The following PARP8 variants were observed in gnomAD, a reference collection of about 807,000 sequenced individuals.
PARP8 encodes poly(ADP-ribose) polymerase family member 8, also known as protein mono-ADP-ribosyltransferase PARP8.
PARP8 carries 51 observed loss-of-function variants against 124.1 expected under a neutral mutation model. That is an observed-to-expected ratio of 0.41 (90% CI 0.33 to 0.52). The LOEUF (loss-of-function observed/expected upper bound fraction) is 0.52. Ranked by LOEUF, PARP8 falls within the 20% of genes least tolerant of loss-of-function variation. The pLI, the probability that PARP8 is intolerant of heterozygous loss-of-function variation, is 0.21. For missense variants in PARP8, 860 were observed against 1,018.9 expected, an observed-to-expected ratio of 0.84 and a Z score of 2.12; for synonymous variants, 391 against 361.5, an observed-to-expected ratio of 1.08 and a Z score of -0.93.
chr5:50,686,389 T>C (rs1174488310), intron 2 of PARP8, among the ~76,000 whole-genome samples: 2 of 152,230 alleles, frequency 1.3e-5, no homozygotes, highest in Non-Finnish European at 2.9e-5. Context: ...CCCTGTGACT[T>C]TGTAGGGTGT....
intron 14 of PARP8, among the ~76,000 whole-genome samples, chr5:50,805,523 C>T (rs1181650425): frequency 2.0e-5 from 3 of 152,080 alleles, no homozygotes; most frequent in Non-Finnish European, 4.4e-5. Context: ...GACTTTAAAA[C>T]TGCATCACAA....
At chr5:50,821,753 T>TGGA (rs1431858215) in intron 16 of PARP8, among the ~76,000 whole-genome samples, 1 of 152,244 alleles carries the variant, frequency 6.6e-6, no homozygotes, top group Non-Finnish European at 1.5e-5. Context: ...GAGCTGAAGT[T>TGGA]GCCTCAGTTT....
chr5:50,709,898 A>G (rs1385076078), intron 2 of PARP8, among the ~76,000 whole-genome samples: 1 of 133,440 alleles, frequency 7.5e-6, no homozygotes, highest in African/African-American at 2.8e-5. Flanking sequence ...GGGAGAGACT[A>G]TGAGAATATG....
At chr5:50,815,038 G>T (rs1482232471) in intron 14 of PARP8, among the ~76,000 whole-genome samples, 1 of 151,114 alleles carries the variant, frequency 6.6e-6, no homozygotes, top group African/African-American at 2.4e-5. Context: ...TTATATGTTT[G>T]TTTTATACAG....
intron 2 of PARP8, among the ~76,000 whole-genome samples, chr5:50,673,284 A>G (rs768277275): frequency 5.5e-4 from 84 of 152,120 alleles, no homozygotes; most frequent in Non-Finnish European, 9.6e-4. Context: ...TTTTGAAAAC[A>G]GTTTCATTGT....
intron 23 of PARP8, chr5:50,833,349 T>G (rs1394616462): frequency 2.3e-6 from 1 of 436,438 alleles, no homozygotes; most frequent in Non-Finnish European, 4.5e-6. Flanking sequence ...GCGTGAGCCA[T>G]GTGACTCTCT....
At chr5:50,821,398 G>C (rs1745753309) in intron 16 of PARP8, 60 bp downstream of exon 16, 1 of 1,563,420 alleles carries the variant, frequency 6.4e-7, no homozygotes, top group Admixed American at 1.7e-5. Context: ...CAACAATATT[G>C]AGATTGTAGT....
At chr5:50,670,095 G>A (rs1331638758) in intron 2 of PARP8, among the ~76,000 whole-genome samples, 1 of 152,108 alleles carries the variant, frequency 6.6e-6, no homozygotes, top group African/African-American at 2.4e-5. Flanking sequence ...TAACGTATTT[G>A]TTTTCATTAC....
At position 50,844,969 on chromosome 5, in the gene PARP8, T is replaced by C. The variant is rs1256183248; in HGVS notation, c.*2901T>C. ...CTTGTTGCTTAGTAAATCTCAGTCA[T>C]ACGTTTGGTTTGAAGCTGTTTTTTT... On this transcript the variant is annotated 3_prime_UTR_variant, in exon 26 of 26. Transcript: ENST00000281631. The C allele has an allele frequency of 2.0e-5, 3 of 151,338 alleles. No homozygotes were observed. The highest frequency in any genetic ancestry group is 3.2e-3 in the Middle Eastern group (1 of 316). The allele number at this position is 151,338 out of a possible 1,614,324, so 9.4% of individuals were successfully genotyped here. A position where few individuals can be genotyped will look rare whatever the true frequency, so the allele number is the denominator to read the frequency against.
intron 2 of PARP8, among the ~76,000 whole-genome samples, chr5:50,705,765 A>C (rs1024389514): frequency 1.3e-5 from 2 of 152,136 alleles, no homozygotes; most frequent in Admixed American, 6.5e-5. Context: ...CCTAGGTGAC[A>C]CAAGACTCTG....
chr5:50,771,615 C>G (rs559476119), intron 7 of PARP8, among the ~76,000 whole-genome samples: 1 of 152,294 alleles, frequency 6.6e-6, no homozygotes, highest in African/African-American at 2.4e-5. Flanking sequence ...TTAATCAGTA[C>G]AAATTTCTTC....
chr5:50,680,466 C>T (rs1291282767), intron 2 of PARP8, among the ~76,000 whole-genome samples: 1 of 152,122 alleles, frequency 6.6e-6, no homozygotes, highest in African/African-American at 2.4e-5. Context: ...CTGTTTACAA[C>T]ATAAAATATA....
At chr5:50,733,465 TTGA>T (rs1757182166) in intron 2 of PARP8, among the ~76,000 whole-genome samples, 1 of 152,200 alleles carries the variant, frequency 6.6e-6, no homozygotes, top group African/African-American at 2.4e-5. Context: ...TTTAGAATTC[TTGA>T]TGAAGTAGTT....
chr5:50,754,261 C>T (rs575955604), intron 3 of PARP8, among the ~76,000 whole-genome samples: 9 of 150,326 alleles, frequency 6.0e-5, no homozygotes, highest in Admixed American at 2.7e-4. Flanking sequence ...TATACATGTG[C>T]CATGTTGGTG....
At chr5:50,774,382 G>A (rs1761941909) in intron 7 of PARP8, among the ~76,000 whole-genome samples, 1 of 152,138 alleles carries the variant, frequency 6.6e-6, no homozygotes. Flanking sequence ...CCTGCAGAAA[G>A]GCTGTCACTT....
intron 14 of PARP8, among the ~76,000 whole-genome samples, chr5:50,800,157 T>C (rs1743041890): frequency 6.6e-6 from 1 of 152,224 alleles, no homozygotes; most frequent in Non-Finnish European, 1.5e-5. Flanking sequence ...TACACTTCCT[T>C]GGATAAGTTT....
chr5:50,750,504 C>A (rs1289960190), intron 3 of PARP8, among the ~76,000 whole-genome samples: 1 of 151,880 alleles, frequency 6.6e-6, no homozygotes, highest in African/African-American at 2.4e-5. Context: ...CATCATTTGG[C>A]CTTTCATAAT....
chr5:50,691,540 A>G (rs1245472928), intron 2 of PARP8, among the ~76,000 whole-genome samples: 1 of 152,136 alleles, frequency 6.6e-6, no homozygotes, highest in Non-Finnish European at 1.5e-5. Flanking sequence ...GTGTAATTTA[A>G]TGACACCTTC....
intron 7 of PARP8, among the ~76,000 whole-genome samples, chr5:50,773,681 C>T (rs1366372760): frequency 1.3e-5 from 2 of 152,000 alleles, no homozygotes; most frequent in African/African-American, 4.8e-5. Context: ...TTTTTCTATT[C>T]CTGTAAAGGA....
Sources: allele counts gnomAD v4.1 joint callset (sites outside exome capture counted in the v4.1 genomes callset), GRCh38; gene constraint gnomAD v4.1.1; transcripts MANE v1.5; gene names NCBI Gene and HGNC (gene_info 2026-07-23, HGNC 2026-07-21).